The following AMZ1 variants were observed in gnomAD, a reference collection of about 807,000 sequenced individuals.
The protein encoded by AMZ1 is archaemetzincin-1.
A neutral mutation model predicts 29.9 loss-of-function variants in AMZ1; 39 were observed. That is an observed-to-expected ratio of 1.30 (90% CI 1.01 to 1.70). The LOEUF (loss-of-function observed/expected upper bound fraction) is 1.70. Among genes scored for constraint, AMZ1 ranks in the 40% most tolerant of loss-of-function variants. The pLI is 0.00. For missense variants in AMZ1, 1,041 were observed against 680.6 expected, an observed-to-expected ratio of 1.53 and a Z score of -5.89; for synonymous variants, 458 against 304.0, an observed-to-expected ratio of 1.51 and a Z score of -5.27.
At position 2,735,841 on chromosome 7, in the gene AMZ1, G is replaced by C. The variant is rs147175665; in HGVS notation, n.550+26025G>C. On this transcript the variant is annotated intron_variant and non_coding_transcript_variant, in intron 4 of 4. Coordinates refer to the AMZ1 transcript ENST00000489665. The stretch of plus-strand genomic sequence containing the variant: ...GGGGGTCCGTGGGAAAGCTGCCACT[G>C]AACTGTAAGGTGCCAGGGACTGTGC... Among the ~76,000 whole-genome samples, 853 of 152,262 alleles carry C rather than the reference G, an allele frequency of 5.6e-3. 8 individuals carry two copies. Among genetic ancestry groups the C allele is most frequent in the African/African-American group, 0.02 (822 of 41,546 alleles).
intron 4 of AMZ1, among the ~76,000 whole-genome samples, chr7:2,726,537 G>A (rs55816903): frequency 0.055 from 8,393 of 152,236 alleles, 672 homozygotes; most frequent in African/African-American, 0.18. Flanking sequence ...CATCCAGCAT[G>A]GAGACGTGAG....
upstream of AMZ1, chr7:2,762,999 G>A (rs1464397824): frequency 5.4e-6 from 7 of 1,288,700 alleles, no homozygotes; most frequent in African/African-American, 1.5e-5. Flanking sequence ...TGCTACTGTG[G>A]TCGCCAACAG....
intron 4 of AMZ1, among the ~76,000 whole-genome samples, chr7:2,749,797 G>T (rs536395215): frequency 6.6e-6 from 1 of 152,158 alleles, no homozygotes; most frequent in South Asian, 2.1e-4. Context: ...AAGAGACTGG[G>T]GATGAGAGAG....
chr7:2,710,734 A>C (rs987614854), intron 6 of AMZ1, among the ~76,000 whole-genome samples: 28 of 152,214 alleles, frequency 1.8e-4, no homozygotes, highest in African/African-American at 6.8e-4. Context: ...CAGAGGAAAC[A>C]GCTTTTCCAA....
At position 2,718,395 on chromosome 7, in the gene AMZ1, C is replaced by T. The variant is rs1449029426; in HGVS notation, c.*5517C>T. On this transcript the variant is annotated 3_prime_UTR_variant, in exon 7 of 7. Transcript: ENST00000683327. Reference sequence around the variant, plus strand: ...ACGTCTTTCTCGAGTCCAAGACCATCTCCCGTTCAAGGGCCCTCACCGCGC... The same window carrying T: ...ACGTCTTTCTCGAGTCCAAGACCATTTCCCGTTCAAGGGCCCTCACCGCGC... Among the ~76,000 whole-genome samples, 3 of 152,230 alleles carry T rather than the reference C, an allele frequency of 2.0e-5. No individual in the cohort carries two copies. The highest frequency in any genetic ancestry group is 4.1e-4 in the South Asian group (2 of 4,834).
chr7:2,763,530 C>A (rs1375944658), upstream of AMZ1, among the ~76,000 whole-genome samples: 1 of 152,202 alleles, frequency 6.6e-6, no homozygotes, highest in African/African-American at 2.4e-5. Flanking sequence ...AGTCCATGTC[C>A]CAAGCAGTGT....
intron 4 of AMZ1, among the ~76,000 whole-genome samples, chr7:2,758,628 C>T (rs897660331): frequency 5.9e-5 from 9 of 152,090 alleles, no homozygotes; most frequent in Non-Finnish European, 1.0e-4. Context: ...TGGGGGAACC[C>T]CTGAAAGGGT....
chr7:2,738,050 T>C (rs148207827), intron 4 of AMZ1, among the ~76,000 whole-genome samples: 33 of 152,292 alleles, frequency 2.2e-4, no homozygotes, highest in Middle Eastern at 3.4e-3. Flanking sequence ...CACATTCATA[T>C]ACATTAGAAA....
chr7:2,746,031 T>G (rs192220920), intron 4 of AMZ1, among the ~76,000 whole-genome samples: 2 of 152,028 alleles, frequency 1.3e-5, no homozygotes, highest in African/African-American at 4.8e-5. Context: ...AAGTCCTGAG[T>G]GACCTACAAA....
At chr7:2,694,963 G>A (rs918545201) in intron 1 of AMZ1, among the ~76,000 whole-genome samples, 4 of 152,144 alleles carry the variant, frequency 2.6e-5, no homozygotes, top group African/African-American at 9.7e-5. Flanking sequence ...GTGAGCCATC[G>A]CGTCCGGCCT....
chr7:2,691,183 T>C (rs989694335), intron 1 of AMZ1, among the ~76,000 whole-genome samples: 1 of 128,882 alleles, frequency 7.8e-6, no homozygotes, highest in Non-Finnish European at 1.6e-5. Context: ...TTGCCTGGAG[T>C]AGGAGGGTTT....
At chr7:2,711,856 T>C (rs1015479388) in intron 6 of AMZ1, among the ~76,000 whole-genome samples, 16 of 152,250 alleles carry the variant, frequency 1.1e-4, no homozygotes, top group Non-Finnish European at 1.6e-4. Flanking sequence ...CCAGCCTGGC[T>C]AACATGGTGA....
At chr7:2,692,352 A>G (rs991628589) in intron 1 of AMZ1, among the ~76,000 whole-genome samples, 2 of 152,128 alleles carry the variant, frequency 1.3e-5, no homozygotes, top group Non-Finnish European at 2.9e-5. Flanking sequence ...CATCCTGGCT[A>G]ACACGTGAAA....
chr7:2,762,495 G>C (rs549149006), upstream of AMZ1: 18 of 816,788 alleles, frequency 2.2e-5, no homozygotes, highest in Admixed American at 1.1e-4. Context: ...GGCCTGAGGT[G>C]TGAGTAGCCT....
intron 1 of AMZ1, among the ~76,000 whole-genome samples, chr7:2,681,933 C>T (rs1786896529): frequency 0.033 from 1 of 30 alleles, no homozygotes; most frequent in Non-Finnish European, 0.062. Context: ...AGTCCCCCAG[C>T]CTTGCTGAGC....
chr7:2,702,509 G>A, intron 2 of AMZ1: 1 of 590,552 alleles, frequency 1.7e-6, no homozygotes, highest in Non-Finnish European at 3.0e-6. Flanking sequence ...TTTCATCTGT[G>A]CATGAATCTT....
chr7:2,715,494 C>T lies in AMZ1; in HGVS notation c.*2616C>T, dbSNP rs1313324703. On this transcript the variant is annotated 3_prime_UTR_variant, in exon 7 of 7. Coordinates refer to ENST00000683327, the MANE Select transcript of AMZ1 (RefSeq NM_001384743.1). ...ACTGGGGTTATGACCAAAGCCTCGG[C>T]GCTCTCTGTACCCGTGTCCTTTGAC... 3.3e-5 allele frequency: 5 copies of T among 152,198 alleles called. No individual in the cohort carries two copies. The highest frequency in any genetic ancestry group is 1.9e-4 in the East Asian group (1 of 5,220). 9.4% of individuals were successfully genotyped at this position (152,198 alleles called of 1,614,324 possible). A position where few individuals can be genotyped will look rare whatever the true frequency, so the allele number is the denominator to read the frequency against.
Position 2,681,145 on chromosome 7 carries a change from G to A in AMZ1, c.-219+1474G>A, listed in dbSNP as rs1583125942. On this transcript the variant is annotated intron_variant, in intron 1 of 6. Transcript: ENST00000312371. ...CTGGAGCGGGGCCATGGCTGAGCTC[G>A]GTGCCACTCAGGCCCGAAAGCCCCA... 3.3e-5 allele frequency among the ~76,000 whole-genome samples: 5 copies of A among 152,354 alleles called. No homozygotes were observed. In the South Asian group the frequency reaches 8.3e-4, roughly 25 times the overall value.
Position 2,731,169 on chromosome 7 carries a change from G to T in AMZ1, n.550+21353G>T. 1.3e-6 allele frequency: 2 copies of T among 1,586,372 alleles called. No individual in the cohort carries two copies. The highest frequency in any genetic ancestry group is 1.1e-5 in the South Asian group (1 of 88,596). On this transcript the variant is annotated intron_variant and non_coding_transcript_variant, in intron 4 of 4. Transcript: ENST00000489665. The surrounding 1 kb of genome is among the most constrained non-coding windows in gnomAD (Gnocchi z 6.0). ...GGCTGCTCAACGACGACAAACCCCG[G>T]GGCTTCCTCGCTCACTGCAGCATGA...
Sources: allele counts gnomAD v4.1 joint callset (sites outside exome capture counted in the v4.1 genomes callset), GRCh38; gene constraint gnomAD v4.1.1; non-coding constraint Gnocchi (gnomAD v3.1); transcripts MANE v1.5; gene names NCBI Gene and HGNC (gene_info 2026-07-23, HGNC 2026-07-21).